Variants in SEMA3A observed in about 807,000 individuals in gnomAD.
SEMA3A encodes the protein semaphorin-3A.
SEMA3A carries 29 observed loss-of-function variants against 97.9 expected under a neutral mutation model. The observed-to-expected ratio is 0.30, with a 90% CI of 0.22 to 0.40. The LOEUF (loss-of-function observed/expected upper bound fraction) is 0.40. Among genes scored for constraint, SEMA3A ranks in the 10% least tolerant of loss-of-function variants. The pLI, the probability that SEMA3A is intolerant of heterozygous loss-of-function variation, is 1.00. For missense variants in SEMA3A, 763 were observed against 951.3 expected (o/e 0.80, Z 2.60); for synonymous variants, 321 against 323.7 (o/e 0.99, Z 0.09).
chr7:84,331,950 T>C (rs1801920131), intron 2 of SEMA3A, among the ~76,000 whole-genome samples: 1 of 152,116 alleles, frequency 6.6e-6, no homozygotes, highest in South Asian at 2.1e-4. Flanking sequence ...TCTGGCACAG[T>C]GGAAAAATAT....
intron 3 of SEMA3A, among the ~76,000 whole-genome samples, chr7:84,302,656 T>C (rs899958503): frequency 6.6e-6 from 1 of 152,128 alleles, no homozygotes; most frequent in African/African-American, 2.4e-5. Flanking sequence ...TTTGTTTTGT[T>C]CACGAAAACA....
chr7:84,081,541 C>A (rs1042896932), intron 4 of SEMA3A, among the ~76,000 whole-genome samples: 1 of 149,182 alleles, frequency 6.7e-6, no homozygotes, highest in Non-Finnish European at 1.5e-5. Context: ...TGCAGTGAGC[C>A]AAGATCACGC....
rs189118637 is a variant in SEMA3A at position 84,382,358 on chromosome 7, C to G, written c.-245-10458G>C. 1.1e-4 allele frequency among the ~76,000 whole-genome samples: 17 copies of G among 151,688 alleles called. No individual in the cohort carries two copies. The East Asian group carries it at 3.4e-3, about 30-fold the overall frequency. On this transcript the variant is annotated intron_variant, in intron 1 of 3. Coordinates refer to the SEMA3A transcript ENST00000424555. ...CTGATCTCAAGCAATCCACCTACCTCGGCCTCCCAAACTACTGGGGTTACA... is the reference window on the plus strand; with the variant it reads ...CTGATCTCAAGCAATCCACCTACCTGGGCCTCCCAAACTACTGGGGTTACA...
chr7:84,093,431 T>C (rs1453980816), intron 4 of SEMA3A, among the ~76,000 whole-genome samples: 1 of 152,144 alleles, frequency 6.6e-6, no homozygotes, highest in African/African-American at 2.4e-5. Context: ...GAAGAAGTAA[T>C]GCATGAATTG....
At chr7:84,065,201 A>G (rs1347129980) in intron 4 of SEMA3A, among the ~76,000 whole-genome samples, 10 of 137,538 alleles carry the variant, frequency 7.3e-5, no homozygotes, top group Non-Finnish European at 1.1e-4. Flanking sequence ...GGCAGAAATA[A>G]AGATGTTCTT....
chr7:84,259,922 G>A (rs1799808240), intron 3 of SEMA3A, among the ~76,000 whole-genome samples: 1 of 152,126 alleles, frequency 6.6e-6, no homozygotes, highest in African/African-American at 2.4e-5. Flanking sequence ...TGGAGAAAGG[G>A]AGTGTTCTAG....
chr7:84,231,909 G>A (rs577287728), intron 3 of SEMA3A, among the ~76,000 whole-genome samples: 103 of 151,930 alleles, frequency 6.8e-4, no homozygotes, highest in African/African-American at 2.4e-3. Context: ...GAGGATACAT[G>A]GAATGCTTAG....
chr7:84,137,473 T>C (rs1796173084), intron 1 of SEMA3A, among the ~76,000 whole-genome samples: 1 of 151,366 alleles, frequency 6.6e-6, no homozygotes, highest in African/African-American at 2.4e-5. Context: ...AATGCTATGC[T>C]ACCCAGAGTC....
In SEMA3A at chr7:83,961,437, T is replaced by C; in HGVS notation, c.2250A>G (p.Leu750=). 6.2e-7 allele frequency: 1 copy of C among 1,614,128 alleles called. No individual in the cohort carries two copies. Among genetic ancestry groups the C allele is most frequent in the Non-Finnish European group, 8.5e-7 (1 of 1,179,972 alleles). ...TGTTTCTACCTTTCTTATTTTCTTG[T>C]AAGTGCTTCCATTTGTTACTGTTCC... ...TPGNSNKWKH[L]QENKKGRNRR... The change falls in exon 17 of 17, where the codon TTA becomes TTG. Residue 750 remains leucine (L), a synonymous_variant. Coordinates refer to ENST00000265362, the MANE Select transcript of SEMA3A (RefSeq NM_006080.3).
intron 1 of SEMA3A, among the ~76,000 whole-genome samples, chr7:84,456,531 T>A (rs1433971459): frequency 6.6e-6 from 1 of 151,874 alleles, no homozygotes; most frequent in Non-Finnish European, 1.5e-5. Context: ...AAACTAGATG[T>A]CTGACATTAA....
At chr7:84,327,890 G>T (rs1374929696) in intron 2 of SEMA3A, among the ~76,000 whole-genome samples, 1 of 151,862 alleles carries the variant, frequency 6.6e-6, no homozygotes, top group African/African-American at 2.4e-5. Flanking sequence ...AGATTTTTTA[G>T]CCAGAGTTAA....
At chr7:84,064,486 A>G (rs1220172972) in intron 4 of SEMA3A, among the ~76,000 whole-genome samples, 9 of 152,218 alleles carry the variant, frequency 5.9e-5, no homozygotes, top group Non-Finnish European at 1.3e-4. Context: ...AATTGGATAA[A>G]GAGTCAAGAG....
chr7:84,426,274 A>G (rs956372487), intron 1 of SEMA3A, among the ~76,000 whole-genome samples: 8 of 98,944 alleles, frequency 8.1e-5, no homozygotes, highest in Non-Finnish European at 1.2e-4. Context: ...ATAGATATAT[A>G]GACAGATAGA....
At chr7:84,469,067 T>C (rs926616909) in intron 1 of SEMA3A, among the ~76,000 whole-genome samples, 2 of 152,116 alleles carry the variant, frequency 1.3e-5, no homozygotes, top group African/African-American at 4.8e-5. Flanking sequence ...TAAAATAGAA[T>C]AGGCTGAACT....
At chr7:84,007,713 G>GA (rs1331794057) in intron 9 of SEMA3A, among the ~76,000 whole-genome samples, 1 of 152,124 alleles carries the variant, frequency 6.6e-6, no homozygotes, top group Non-Finnish European at 1.5e-5. Flanking sequence ...AGGCATAGGT[G>GA]AAAATGGCTT....
intron 1 of SEMA3A, among the ~76,000 whole-genome samples, chr7:84,395,100 C>T (rs1228872): frequency 0.18 from 26,883 of 151,884 alleles, 2,516 homozygotes; most frequent in Middle Eastern, 0.22. Flanking sequence ...CTAAAATAAA[C>T]CCACAGCAGA....
chr7:84,390,314 A>C (rs551962471), intron 1 of SEMA3A, among the ~76,000 whole-genome samples: 2 of 144,248 alleles, frequency 1.4e-5, no homozygotes, highest in South Asian at 4.5e-4. Flanking sequence ...TTTTTAATTG[A>C]AAAAGCTTGT....
At chr7:84,473,725 A>G (rs946627655) in intron 1 of SEMA3A, among the ~76,000 whole-genome samples, 1 of 152,200 alleles carries the variant, frequency 6.6e-6, no homozygotes, top group African/African-American at 2.4e-5. Flanking sequence ...TTAAATATAA[A>G]TATCTGATAA....
intron 6 of SEMA3A, 116 bp from the exon 7 acceptor site, chr7:84,014,467 TTTC>T (rs145924058): frequency 0.032 from 24,911 of 784,598 alleles, 498 homozygotes; most frequent in Non-Finnish European, 0.041. Context: ...GAAACGTATC[TTTC>T]GTTTGTTCAT....
Sources: allele counts gnomAD v4.1 joint callset (sites outside exome capture counted in the v4.1 genomes callset), GRCh38; gene constraint gnomAD v4.1.1; transcripts MANE v1.5; gene names NCBI Gene and HGNC (gene_info 2026-07-23, HGNC 2026-07-21).